The following CLIC4 variants were observed in gnomAD, a reference collection of about 807,000 sequenced individuals.
The protein encoded by CLIC4 is CLIC family member 4.
A neutral mutation model predicts 24.6 loss-of-function variants in CLIC4; 13 were observed. The observed-to-expected ratio is 0.53, with a 90% CI of 0.34 to 0.84. The LOEUF (loss-of-function observed/expected upper bound fraction) is 0.84. Ranked by LOEUF, CLIC4 falls within the 40% of genes least tolerant of loss-of-function variation. The probability of loss-of-function intolerance (pLI) is 0.01; values close to 1 mark genes in which losing one functional copy is unlikely to be tolerated. For missense variants in CLIC4, 227 were observed against 301.7 expected, an observed-to-expected ratio of 0.75 and a Z score of 1.83; for synonymous variants, 104 against 111.3, an observed-to-expected ratio of 0.93 and a Z score of 0.41.
intron 1 of CLIC4, among the ~76,000 whole-genome samples, chr1:24,756,525 A>G (rs566794451): frequency 6.6e-6 from 1 of 152,286 alleles, no homozygotes; most frequent in Non-Finnish European, 1.5e-5. Context: ...CATGTGAATA[A>G]CTCATTCTTA....
intron 1 of CLIC4, among the ~76,000 whole-genome samples, chr1:24,774,369 A>G (rs917173190): frequency 6.6e-6 from 1 of 152,244 alleles, no homozygotes; most frequent in Non-Finnish European, 1.5e-5. Context: ...TTTAGTGCCA[A>G]ACTTTCACAT....
Position 24,840,985 on chromosome 1 carries a change from G to T in CLIC4, c.*48G>T. On this transcript the variant is annotated 3_prime_UTR_variant, in exon 6 of 6. Transcript: ENST00000374379. ...TCTTCATGTCTTCCCCTAAGAATAC[G>T]CTTTTCCTAACAGGCTACTCCTTCC... 6.6e-7 allele frequency: 1 copy of T among 1,505,388 alleles called. No homozygotes were observed. The highest frequency in any genetic ancestry group is 9.0e-7 in the Non-Finnish European group (1 of 1,112,900). The allele number at this position is 1,505,388 out of a possible 1,614,324, so 93.3% of individuals were successfully genotyped here.
chr1:24,789,526 TAAAC>T (rs765565267), intron 1 of CLIC4, among the ~76,000 whole-genome samples: 5 of 152,008 alleles, frequency 3.3e-5, no homozygotes, highest in South Asian at 2.1e-4. Flanking sequence ...TCAAAACAAA[TAAAC>T]AAACAAAAAA....
intron 1 of CLIC4, among the ~76,000 whole-genome samples, chr1:24,754,104 G>A (rs1335248211): frequency 3.3e-5 from 5 of 152,244 alleles, no homozygotes; most frequent in Non-Finnish European, 5.9e-5. Flanking sequence ...TTAACTTTTT[G>A]CCTGAGCTGT....
At chr1:24,830,297 G>A (rs6600273) in intron 4 of CLIC4, among the ~76,000 whole-genome samples, 148,892 of 152,248 alleles carry the variant, frequency 0.98, 72,873 homozygotes, top group East Asian at 1. Flanking sequence ...CGTATTATGT[G>A]CATACATTAT....
intron 1 of CLIC4, among the ~76,000 whole-genome samples, chr1:24,784,191 G>A (rs1639237749): frequency 6.6e-6 from 1 of 152,116 alleles, no homozygotes; most frequent in Admixed American, 6.6e-5. Context: ...ATATCAAAAA[G>A]TGTGAAAGGT....
At chr1:24,784,735 A>C (rs895231490) in intron 1 of CLIC4, among the ~76,000 whole-genome samples, 4 of 152,298 alleles carry the variant, frequency 2.6e-5, no homozygotes, top group Admixed American at 1.3e-4. Flanking sequence ...AGAGCTGGAC[A>C]CATAGTAATT....
chr1:24,796,972 T>G (rs1639411981), intron 1 of CLIC4, among the ~76,000 whole-genome samples: 1 of 150,788 alleles, frequency 6.6e-6, no homozygotes, highest in African/African-American at 2.4e-5. Context: ...TTTTTTTTTT[T>G]GAGACAGAGT....
At chr1:24,783,852 A>G (rs926783196) in intron 1 of CLIC4, among the ~76,000 whole-genome samples, 3 of 152,250 alleles carry the variant, frequency 2.0e-5, no homozygotes, top group African/African-American at 7.2e-5. Context: ...CAAATTTAAG[A>G]CATGATAGCG....
chr1:24,788,568 T>C (rs1639299125), intron 1 of CLIC4, among the ~76,000 whole-genome samples: 1 of 152,236 alleles, frequency 6.6e-6, no homozygotes, highest in African/African-American at 2.4e-5. Flanking sequence ...AGGCCAGCTG[T>C]GATATGTGGT....
intron 1 of CLIC4, among the ~76,000 whole-genome samples, chr1:24,773,545 A>AT (rs1639097018): frequency 7.0e-6 from 1 of 142,252 alleles, no homozygotes; most frequent in Non-Finnish European, 1.5e-5. Context: ...GTTAGCAGAT[A>AT]TTTTTTAAAA....
At chr1:24,772,779 C>T (rs1222192076) in intron 1 of CLIC4, among the ~76,000 whole-genome samples, 1 of 151,982 alleles carries the variant, frequency 6.6e-6, no homozygotes, top group East Asian at 1.9e-4. Context: ...CCACAGCGCC[C>T]GGCTGATTTT....
intron 3 of CLIC4, among the ~76,000 whole-genome samples, chr1:24,819,751 C>CT (rs1458974522): frequency 0.01 from 1,261 of 124,970 alleles, 16 homozygotes; most frequent in African/African-American, 0.035. Context: ...AACTTTTTTT[C>CT]TTTTTTTTTT....
At chr1:24,817,496 G>A (rs1639683671) in intron 3 of CLIC4, among the ~76,000 whole-genome samples, 3 of 152,312 alleles carry the variant, frequency 2.0e-5, no homozygotes, top group African/African-American at 7.2e-5. Flanking sequence ...GTGAGTTAGG[G>A]CCTTGATCTG....
intron 2 of CLIC4, among the ~76,000 whole-genome samples, chr1:24,809,557 G>A (rs372444869): frequency 2.0e-5 from 3 of 152,074 alleles, no homozygotes; most frequent in Non-Finnish European, 4.4e-5. Context: ...TGTAACCTCC[G>A]CCTTCCAGCA....
intron 3 of CLIC4, among the ~76,000 whole-genome samples, 154 bp from the exon 4 acceptor site, chr1:24,826,854 AAC>A: frequency 6.6e-6 from 1 of 152,358 alleles, no homozygotes; most frequent in South Asian, 2.1e-4. Flanking sequence ...GTAAGGAAAA[AAC>A]AGTTTTTAAA....
intron 1 of CLIC4, among the ~76,000 whole-genome samples, chr1:24,748,262 T>C (rs1266493640): frequency 6.6e-6 from 1 of 152,124 alleles, no homozygotes; most frequent in African/African-American, 2.4e-5. Flanking sequence ...TTCATATTTG[T>C]GTTGAGAACC....
rs56098475 is a variant in CLIC4, at chr1:24,767,043, A to G, written c.72+21418A>G. On this transcript the variant is annotated intron_variant, in intron 1 of 5. Coordinates refer to ENST00000374379, the MANE Select transcript of CLIC4 (RefSeq NM_013943.3). Reference sequence around the variant, plus strand: ...ATGAGCTAAAAAAAAAAAAAAAAAAAAAAAAGAAAAAGAAAAGAAAAACCA... The same window carrying G: ...ATGAGCTAAAAAAAAAAAAAAAAAAGAAAAAGAAAAAGAAAAGAAAAACCA... 2.6e-3 allele frequency among the ~76,000 whole-genome samples: 369 copies of G among 140,396 alleles called. 4 individuals carry two copies. The highest frequency in any genetic ancestry group is 8.5e-3 in the African/African-American group (339 of 39,954). The allele number at this position is 140,396 out of a possible 152,430, so 92.1% of individuals were successfully genotyped here.
chr1:24,751,813 G>A (rs1164690521), intron 1 of CLIC4, among the ~76,000 whole-genome samples: 1 of 152,208 alleles, frequency 6.6e-6, no homozygotes, highest in Non-Finnish European at 1.5e-5. Flanking sequence ...GCAGTGAGCC[G>A]AGATTGTGCC....
Sources: gnomAD v4.1 joint callset for allele counts (sites outside exome capture counted in the v4.1 genomes callset) on GRCh38, gnomAD v4.1.1 for gene constraint, MANE v1.5 for transcripts, NCBI Gene and HGNC (gene_info 2026-07-23, HGNC 2026-07-21) for gene names.